JMY: variants seen among roughly 807,000 people sequenced by gnomAD.
The protein encoded by JMY is junction-mediating and -regulatory protein.
In JMY, 46 loss-of-function variants were observed where a neutral mutation model predicts 103.3. That is an observed-to-expected ratio of 0.45 (90% CI 0.35 to 0.57). The LOEUF (loss-of-function observed/expected upper bound fraction) is 0.57, where lower values mean the gene tolerates loss of function less well. JMY is among the 20% of genes least tolerant of loss of function. JMY has a pLI of 0.00. For missense variants in JMY, 1,238 were observed against 1,255.2 expected, an observed-to-expected ratio of 0.99 and a Z score of 0.21; for synonymous variants, 526 against 489.3, an observed-to-expected ratio of 1.07 and a Z score of -0.99.
intron 1 of JMY, among the ~76,000 whole-genome samples, chr5:79,258,305 G>GTTTTTTTTTTTTTTTTTTTTTT (rs199879072): frequency 8.5e-6 from 1 of 117,026 alleles, no homozygotes. Context: ...GGCTTTTTTT[G>GTTTTTTTTTTTTTTTTTTTTTT]TTTTTGTTGT....
At chr5:79,293,699 C>T (rs1197300667) in intron 4 of JMY, among the ~76,000 whole-genome samples, 1 of 152,154 alleles carries the variant, frequency 6.6e-6, no homozygotes, top group Non-Finnish European at 1.5e-5. Flanking sequence ...TTATCTATAT[C>T]TGAGCCTCTT....
intron 1 of JMY, among the ~76,000 whole-genome samples, chr5:79,268,662 A>G (rs987617528): frequency 6.6e-5 from 10 of 151,760 alleles, no homozygotes; most frequent in African/African-American, 1.9e-4. Flanking sequence ...TAATTTTTTT[A>G]TACTTTTAAT....
chr5:79,236,590 G>T lies in JMY; in HGVS notation c.-61G>T, dbSNP rs1298502656. Reference sequence around the variant, plus strand: ...GAGCGGGGGGCGCGGCGCAGCCAGCGGGGAGTCCTCGGGCGGGCCGGGCCG... The same window carrying T: ...GAGCGGGGGGCGCGGCGCAGCCAGCTGGGAGTCCTCGGGCGGGCCGGGCCG... On this transcript the variant is annotated 5_prime_UTR_variant, in exon 1 of 11. Transcript: ENST00000396137. The T allele has an allele frequency of 1.6e-6, 2 of 1,259,554 alleles. No individual in the cohort carries two copies. Among genetic ancestry groups the T allele is most frequent in the Non-Finnish European group, 1.0e-6 (1 of 981,532 alleles). 78.0% of individuals were successfully genotyped at this position (1,259,554 alleles called of 1,614,324 possible).
intron 1 of JMY, among the ~76,000 whole-genome samples, chr5:79,265,331 AT>A (rs1384067918): frequency 6.6e-6 from 1 of 152,212 alleles, no homozygotes; most frequent in African/African-American, 2.4e-5. Context: ...TCACTAACTG[AT>A]GGTTAATATG....
At chr5:79,266,734 A>G (rs1488024764) in intron 1 of JMY, among the ~76,000 whole-genome samples, 2 of 152,214 alleles carry the variant, frequency 1.3e-5, no homozygotes, top group Non-Finnish European at 2.9e-5. Flanking sequence ...ACCAAACCCC[A>G]CACTGATGTT....
chr5:79,259,526 C>G (rs1231520472), intron 1 of JMY, among the ~76,000 whole-genome samples: 4 of 152,250 alleles, frequency 2.6e-5, no homozygotes, highest in African/African-American at 9.6e-5. Context: ...TGTCTGCCTC[C>G]TGCTGCCATT....
chr5:79,263,877 A>C (rs1416642803), intron 1 of JMY, among the ~76,000 whole-genome samples: 2 of 151,484 alleles, frequency 1.3e-5, no homozygotes, highest in Non-Finnish European at 2.9e-5. Flanking sequence ...GGCTCACTGC[A>C]GTCTCCGCCT....
rs368468299 is a variant in JMY, at chr5:79,316,093, A to T, written c.2753A>T (p.Asp918Val). 6.2e-7 allele frequency: 1 copy of T among 1,613,976 alleles called. No individual in the cohort carries two copies. The highest frequency in any genetic ancestry group is 1.3e-5 in the African/African-American group (1 of 74,940). ...CAGCGAACTCTGCCTCCTTTTCCTGATGAAGATGATAGTAATAATATCTTG... is the reference window on the plus strand; with the variant it reads ...CAGCGAACTCTGCCTCCTTTTCCTGTTGAAGATGATAGTAATAATATCTTG... The part of the protein sequence containing the change: ...VEQRTLPPFP[D>V]EDDSNNILAQ... Residue 918 changes from aspartate (D) to valine (V), a missense_variant, in exon 10 of 11, where the codon GAT becomes GTT. Transcript: ENST00000396137.
At chr5:79,255,001 A>G (rs1006611396) in intron 1 of JMY, among the ~76,000 whole-genome samples, 1 of 150,922 alleles carries the variant, frequency 6.6e-6, no homozygotes, top group Non-Finnish European at 1.5e-5. Flanking sequence ...TTTTATTTCA[A>G]TCTCTTTATT....
rs1377508423 is a variant in JMY at position 79,322,982 on chromosome 5, G to GCT, written c.*1382_*1383dup. ...GGTATTCCTAGAGAAAAAAAGAAAT[G>GCT]CTCACACCTTTGTTATTTTAAAGTG... On this transcript the variant is annotated 3_prime_UTR_variant, in exon 11 of 11. Transcript: ENST00000396137. 2 of 152,278 alleles carry GCT rather than the reference G, an allele frequency of 1.3e-5. No homozygotes were observed. The highest frequency in any genetic ancestry group is 6.5e-5 in the Admixed American group (1 of 15,306). 9.4% of individuals were successfully genotyped at this position (152,278 alleles called of 1,614,324 possible). A position where few individuals can be genotyped will look rare whatever the true frequency, so the allele number is the denominator to read the frequency against.
intron 4 of JMY, among the ~76,000 whole-genome samples, chr5:79,294,073 A>G (rs1294950141): frequency 6.6e-6 from 1 of 152,204 alleles, no homozygotes; most frequent in Non-Finnish European, 1.5e-5. Context: ...GATTTTCTAT[A>G]TAGTTATTAA....
chr5:79,257,234 GGC>G (rs1245085515), intron 1 of JMY, among the ~76,000 whole-genome samples: 2 of 151,786 alleles, frequency 1.3e-5, no homozygotes, highest in Admixed American at 1.3e-4. Context: ...TACCATGCCC[GGC>G]TAAGTTCCAT....
intron 6 of JMY, among the ~76,000 whole-genome samples, chr5:79,302,498 G>A (rs1429959020): frequency 1.3e-5 from 2 of 152,174 alleles, no homozygotes; most frequent in African/African-American, 4.8e-5. Flanking sequence ...GATGACACTT[G>A]TACTGGCTTT....
chr5:79,259,416 C>A (rs1314574241), intron 1 of JMY, among the ~76,000 whole-genome samples: 1 of 152,162 alleles, frequency 6.6e-6, no homozygotes, highest in African/African-American at 2.4e-5. Context: ...AAGTTCCCAC[C>A]CCAGTCAGTA....
At chr5:79,311,973 C>T (rs1044666060) in intron 7 of JMY, among the ~76,000 whole-genome samples, 6 of 152,034 alleles carry the variant, frequency 3.9e-5, no homozygotes, top group Non-Finnish European at 5.9e-5. Context: ...TGCATCACCA[C>T]GACCGGCTAA....
intron 1 of JMY, among the ~76,000 whole-genome samples, chr5:79,251,935 C>A (rs915635390): frequency 6.6e-6 from 1 of 151,934 alleles, no homozygotes; most frequent in African/African-American, 2.4e-5. Context: ...CCACCACGCC[C>A]GGCTAATTTT....
At chr5:79,272,694 C>T (rs1206670953) in intron 1 of JMY, among the ~76,000 whole-genome samples, 2 of 152,148 alleles carry the variant, frequency 1.3e-5, no homozygotes, top group Non-Finnish European at 2.9e-5. Flanking sequence ...AGTGCAGTGG[C>T]TCAGTCATAG....
At position 79,236,596 on chromosome 5, in the gene JMY, T is replaced by G; in HGVS notation, c.-55T>G. On this transcript the variant is annotated 5_prime_UTR_variant, in exon 1 of 11. Coordinates refer to ENST00000396137, the MANE Select transcript of JMY (RefSeq NM_152405.5). ...GGGGCGCGGCGCAGCCAGCGGGGAG[T>G]CCTCGGGCGGGCCGGGCCGGCGGCC... is the stretch of plus-strand genomic sequence containing the variant. The G allele has an allele frequency of 1.5e-6, 2 of 1,290,740 alleles. No individual in the cohort carries two copies. The highest frequency in any genetic ancestry group is 2.0e-6 in the Non-Finnish European group (2 of 1,003,602). 80.0% of individuals were successfully genotyped at this position (1,290,740 alleles called of 1,614,324 possible).
At chr5:79,254,457 A>G (rs1043760382) in intron 1 of JMY, among the ~76,000 whole-genome samples, 8 of 152,160 alleles carry the variant, frequency 5.3e-5, no homozygotes, top group Non-Finnish European at 7.3e-5. Context: ...TTCTTTCAGC[A>G]CTTTATGTCA....
Sources: gnomAD v4.1 joint callset for allele counts (sites outside exome capture counted in the v4.1 genomes callset) on GRCh38, gnomAD v4.1.1 for gene constraint, MANE v1.5 for transcripts, NCBI Gene and HGNC (gene_info 2026-07-23, HGNC 2026-07-21) for gene names.